LDLRAD4: variants seen among roughly 807,000 people sequenced by gnomAD.
LDLRAD4 encodes the protein low-density lipoprotein receptor class A domain-containing protein 4.
LDLRAD4 carries 5 observed loss-of-function variants against 17.0 expected under a neutral mutation model. That is an observed-to-expected ratio of 0.29 (90% CI 0.15 to 0.62). The LOEUF is 0.62. Among genes scored for constraint, LDLRAD4 ranks in the 20% least tolerant of loss-of-function variants. The pLI is 0.84. For synonymous variants in LDLRAD4, 168 were observed against 171.8 expected, an observed-to-expected ratio of 0.98 and a Z score of 0.17; for missense variants, 340 against 424.7, an observed-to-expected ratio of 0.80 and a Z score of 1.75.
intron 1 of LDLRAD4, among the ~76,000 whole-genome samples, chr18:13,336,593 A>G (rs538067901): frequency 1.3e-5 from 2 of 150,852 alleles, no homozygotes; most frequent in South Asian, 4.2e-4. Context: ...CCATTCCTCT[A>G]CCCCTTTCTT....
At chr18:13,381,880 A>G (rs1205665469) in intron 1 of LDLRAD4, among the ~76,000 whole-genome samples, 1 of 152,196 alleles carries the variant, frequency 6.6e-6, no homozygotes, top group African/African-American at 2.4e-5. Flanking sequence ...GGTCATTTTT[A>G]TTTTTTTTAA....
At chr18:13,225,296 C>G (rs74858382) in intron 1 of LDLRAD4, among the ~76,000 whole-genome samples, 2 of 152,326 alleles carry the variant, frequency 1.3e-5, no homozygotes, top group Non-Finnish European at 2.9e-5. Flanking sequence ...CCTAGCAGGA[C>G]AGTCAGCTCT....
At chr18:13,249,147 C>G (rs551490571) in intron 1 of LDLRAD4, among the ~76,000 whole-genome samples, 1 of 152,342 alleles carries the variant, frequency 6.6e-6, no homozygotes, top group East Asian at 1.9e-4. Context: ...CTCTGCTCCT[C>G]TGTTGTGGAT....
chr18:13,229,691 C>T (rs868117794), intron 1 of LDLRAD4, among the ~76,000 whole-genome samples: 1 of 152,220 alleles, frequency 6.6e-6, no homozygotes, highest in Non-Finnish European at 1.5e-5. Flanking sequence ...GTGGCTCTGA[C>T]GCTTCCTTCG....
rs576089985 is a variant in LDLRAD4, at chr18:13,446,278, A to G, written c.181+7894A>G. Among the ~76,000 whole-genome samples the G allele has an allele frequency of 2.6e-5, 4 of 152,192 alleles. No homozygotes were observed. In the East Asian group the frequency reaches 7.7e-4, roughly 29 times the overall value. On this transcript the variant is annotated intron_variant, in intron 3 of 5. Transcript: ENST00000359446. ...GCTGCTGGGGTGTTGAACTCAGGCC[A>G]TGGTTTTGTTTGTCTTTGGAGGTGC... is the stretch of plus-strand genomic sequence containing the variant.
intron 3 of LDLRAD4, among the ~76,000 whole-genome samples, chr18:13,454,864 A>G (rs2092041601): frequency 6.6e-6 from 1 of 152,254 alleles, no homozygotes; most frequent in African/African-American, 2.4e-5. Flanking sequence ...CCTCAGCAGC[A>G]GCCTTGGTCC....
intron 3 of LDLRAD4, among the ~76,000 whole-genome samples, chr18:13,551,181 G>A (rs1020492889): frequency 3.3e-5 from 5 of 152,128 alleles, no homozygotes; most frequent in African/African-American, 1.2e-4. Context: ...GTGTCATCGG[G>A]TGCCAACAGC....
chr18:13,453,055 C>T (rs2091930122), intron 3 of LDLRAD4, among the ~76,000 whole-genome samples: 2 of 152,178 alleles, frequency 1.3e-5, no homozygotes, highest in East Asian at 1.9e-4. Flanking sequence ...CAGGGGTGCA[C>T]ATGAGCGAGC....
chr18:13,354,100 T>C (rs756004169), intron 1 of LDLRAD4, among the ~76,000 whole-genome samples: 22 of 152,300 alleles, frequency 1.4e-4, no homozygotes, highest in Middle Eastern at 3.4e-3. Context: ...TCCCAGCTGC[T>C]TGGGAAGTTG....
At chr18:13,596,645 T>C (rs1433857680) in intron 3 of LDLRAD4, among the ~76,000 whole-genome samples, 1 of 152,224 alleles carries the variant, frequency 6.6e-6, no homozygotes, top group African/African-American at 2.4e-5. Context: ...TACATTGTTA[T>C]AATTGTTACT....
At chr18:13,642,284 G>T (rs1230159651) in intron 4 of LDLRAD4, 1 of 989,104 alleles carries the variant, frequency 1.0e-6, no homozygotes, top group East Asian at 1.1e-4. Context: ...CCGTTTCCGA[G>T]AATTCCCCAA....
intron 3 of LDLRAD4, among the ~76,000 whole-genome samples, chr18:13,604,445 G>A (rs1051548555): frequency 1.3e-4 from 20 of 152,330 alleles, no homozygotes; most frequent in African/African-American, 4.6e-4. Context: ...GTGCAAGAAT[G>A]CGTGACATTT....
rs193250036 is a variant in LDLRAD4, at chr18:13,648,640, G to A, written c.*2983G>A. ...TGTTCTTTCAAGAACCCTTTTTTTA[G>A]CTTATAGAACCCATGGGTCCAGTTT... is the stretch of plus-strand genomic sequence containing the variant. On this transcript the variant is annotated 3_prime_UTR_variant, in exon 6 of 6. Transcript: ENST00000359446. 9.2e-5 allele frequency: 14 copies of A among 152,192 alleles called. No homozygotes were observed. In the East Asian group the frequency reaches 2.7e-3, roughly 29 times the overall value. 9.4% of individuals were successfully genotyped at this position (152,192 alleles called of 1,614,324 possible).
At chr18:13,601,105 G>A (rs1023656887) in intron 3 of LDLRAD4, among the ~76,000 whole-genome samples, 9 of 152,108 alleles carry the variant, frequency 5.9e-5, no homozygotes, top group African/African-American at 1.7e-4. Flanking sequence ...AAGTCCAGTC[G>A]ATCCATCTCC....
chr18:13,433,748 C>T (rs887181071), intron 2 of LDLRAD4, among the ~76,000 whole-genome samples: 1 of 152,182 alleles, frequency 6.6e-6, no homozygotes, highest in Middle Eastern at 3.4e-3. Context: ...TTAAGATATT[C>T]CATTTCCCCC....
At chr18:13,607,145 G>A (rs1324146972) in intron 3 of LDLRAD4, among the ~76,000 whole-genome samples, 6 of 152,186 alleles carry the variant, frequency 3.9e-5, no homozygotes, top group African/African-American at 1.4e-4. Context: ...CAATGAGTGG[G>A]TGGCCGGATG....
intron 1 of LDLRAD4, among the ~76,000 whole-genome samples, chr18:13,284,751 C>T (rs973381047): frequency 2.0e-5 from 3 of 152,326 alleles, no homozygotes; most frequent in South Asian, 4.1e-4. Context: ...CCTCCCTGTC[C>T]GTTTTCCGCC....
chr18:13,605,186 T>C (rs1322745104), intron 3 of LDLRAD4, among the ~76,000 whole-genome samples: 1 of 152,228 alleles, frequency 6.6e-6, no homozygotes, highest in African/African-American at 2.4e-5. Flanking sequence ...TTAAGAAGGA[T>C]GCCAAATATT....
rs2082317499 is a variant in LDLRAD4 at position 13,340,479 on chromosome 18, A to G, written c.-382-46862A>G. Among the ~76,000 whole-genome samples the G allele has an allele frequency of 2.6e-5, 4 of 151,990 alleles. No homozygotes were observed. The South Asian group carries it at 8.3e-4, about 32-fold the overall frequency. ...ATATGTTTTTGATTTGCATTTCCCT[A>G]GTGATTTGTGATGTTGAGCACCTTT... On this transcript the variant is annotated intron_variant, in intron 1 of 5. Transcript: ENST00000359446.
Sources: gnomAD v4.1 joint callset for allele counts (sites outside exome capture counted in the v4.1 genomes callset) on GRCh38, gnomAD v4.1.1 for gene constraint, MANE v1.5 for transcripts, NCBI Gene and HGNC (gene_info 2026-07-23, HGNC 2026-07-21) for gene names.